Variants in RYR3 observed in about 807,000 individuals in gnomAD.
RYR3 encodes the protein brain ryanodine receptor-calcium release channel.
Under a neutral mutation model 584.3 loss-of-function variants are expected in RYR3, and 207 were observed. The ratio of observed to expected loss-of-function variants is 0.35; its 90% CI spans 0.32 to 0.40. RYR3 has a LOEUF of 0.40. RYR3 is among the 10% of genes least tolerant of loss of function. The probability of loss-of-function intolerance (pLI) is 1.00; values close to 1 mark genes in which losing one functional copy is unlikely to be tolerated. For missense variants in RYR3, 5,616 were observed against 6,089.2 expected (o/e 0.92, Z 2.59); for synonymous variants, 2,416 against 2,248.5 (o/e 1.07, Z -2.11).
At chr15:33,648,696 G>A (rs1215154929) in intron 30 of RYR3, among the ~76,000 whole-genome samples, 1 of 152,218 alleles carries the variant, frequency 6.6e-6, no homozygotes, top group Non-Finnish European at 1.5e-5. Context: ...GCTCTCTCCT[G>A]CAGCTCAGAT....
intron 1 of RYR3, among the ~76,000 whole-genome samples, chr15:33,382,319 C>CT (rs34767570): frequency 0.03 from 3,162 of 104,578 alleles, 180 homozygotes; most frequent in African/African-American, 0.045. Flanking sequence ...TTAAAAGTGG[C>CT]TTTTTTTTTT....
chr15:33,660,711 G>A (rs1424337502), intron 34 of RYR3, among the ~76,000 whole-genome samples: 1 of 152,192 alleles, frequency 6.6e-6, no homozygotes, highest in African/African-American at 2.4e-5. Context: ...CTTGAAATAT[G>A]CATCATTTAT....
chr15:33,398,227 C>T (rs773223126), intron 1 of RYR3, among the ~76,000 whole-genome samples: 4 of 152,150 alleles, frequency 2.6e-5, no homozygotes, highest in Admixed American at 6.5e-5. Flanking sequence ...TTGCAAAGAT[C>T]GTGTAAGGTC....
At chr15:33,834,589 C>A (rs1019465171) in intron 86 of RYR3, among the ~76,000 whole-genome samples, 1 of 152,004 alleles carries the variant, frequency 6.6e-6, no homozygotes, top group African/African-American at 2.4e-5. Flanking sequence ...TTCGCAGCAC[C>A]CTTGATCTCC....
At chr15:33,360,903 A>T (rs1974668832) in intron 1 of RYR3, among the ~76,000 whole-genome samples, 1 of 152,216 alleles carries the variant, frequency 6.6e-6, no homozygotes, top group South Asian at 2.1e-4. Flanking sequence ...GACAGACCTG[A>T]GCAGAGGTTG....
intron 7 of RYR3, 48 bp from the exon 8 acceptor site, chr15:33,543,574 C>T (rs764209007): frequency 1.7e-6 from 2 of 1,194,356 alleles, no homozygotes; most frequent in South Asian, 1.2e-5. Context: ...ATGCCATTCT[C>T]TTCATTAAAC....
chr15:33,662,676 G>T lies in RYR3; in HGVS notation c.5146G>T (p.Gly1716Trp). ...SGAHIRDPVG[G>W]SVEFQFVPVL... ...GGCCCACATCCGAGACCCTGTAGGG[G>T]GGTCTGTGGAGTTCCAGTTTGTGCC... Residue 1716 changes from glycine (G) to tryptophan (W), a missense_variant, in exon 35 of 104, where the codon GGG (glycine) becomes TGG (tryptophan). Gly to Trp is a radical substitution (Grantham distance 184). This residue lies in a region of RYR3 where 753 missense variants were observed against 741.0 expected (regional missense o/e 1.02). Coordinates refer to ENST00000634891, the MANE Select transcript of RYR3 (RefSeq NM_001036.6). 6.2e-7 allele frequency: 1 copy of T among 1,614,170 alleles called. No individual in the cohort carries two copies. Among genetic ancestry groups the T allele is most frequent in the Non-Finnish European group, 8.5e-7 (1 of 1,180,016 alleles).
chr15:33,527,157 C>G (rs1377544739), intron 3 of RYR3, among the ~76,000 whole-genome samples: 2 of 152,062 alleles, frequency 1.3e-5, no homozygotes, highest in African/African-American at 4.8e-5. Flanking sequence ...CAAACTACAG[C>G]CAACAGGCCA....
Position 33,435,665 on chromosome 15 carries a change from A to G in RYR3, c.52-37754A>G, listed in dbSNP as rs549085131. 2.0e-5 allele frequency among the ~76,000 whole-genome samples: 3 copies of G among 152,264 alleles called. No individual in the cohort carries two copies. The South Asian group carries it at 6.2e-4, about 32-fold the overall frequency. ...TTCAAGAATGAAGCCACCGACCTCA[A>G]GCGTTACAGCTCTTAAAGGTGGCAT... On this transcript the variant is annotated intron_variant, in intron 1 of 103. Coordinates refer to ENST00000634891, the MANE Select transcript of RYR3 (RefSeq NM_001036.6).
intron 47 of RYR3, among the ~76,000 whole-genome samples, 155 bp from the exon 48 acceptor site, chr15:33,731,319 A>T (rs1294429854): frequency 1.3e-5 from 2 of 151,974 alleles, no homozygotes; most frequent in Non-Finnish European, 2.9e-5. Flanking sequence ...AAAGAAAAAT[A>T]GAACTGCCGA....
chr15:33,473,814 G>A (rs994674063), intron 2 of RYR3, among the ~76,000 whole-genome samples: 7 of 152,158 alleles, frequency 4.6e-5, no homozygotes, highest in Non-Finnish European at 8.8e-5. Flanking sequence ...AGTGCTGACC[G>A]AGGAGGTCTT....
At chr15:33,579,371 G>A (rs935349550) in intron 12 of RYR3, among the ~76,000 whole-genome samples, 7 of 152,102 alleles carry the variant, frequency 4.6e-5, no homozygotes, top group Non-Finnish European at 8.8e-5. Context: ...ACGTGGAGGG[G>A]GGTGCAAGAG....
At chr15:33,627,660 A>G (rs1361097076) in intron 20 of RYR3, among the ~76,000 whole-genome samples, 2 of 152,240 alleles carry the variant, frequency 1.3e-5, no homozygotes, top group Non-Finnish European at 2.9e-5. Context: ...AGCACTGTGT[A>G]TGTGGTTAAT....
chr15:33,740,844 G>A (rs1336720070), intron 51 of RYR3, among the ~76,000 whole-genome samples: 3 of 152,334 alleles, frequency 2.0e-5, no homozygotes, highest in Admixed American at 1.3e-4. Context: ...TGTAACATTC[G>A]TCTTTGGGAC....
chr15:33,662,123 G>A (rs1430474621), intron 34 of RYR3, 30 bp from the exon 35 acceptor site: 1 of 1,527,192 alleles, frequency 6.5e-7, no homozygotes. Context: ...TTCTCCCCCT[G>A]GTGTGGCTGA....
chr15:33,325,618 C>A (rs1246972654), intron 1 of RYR3, among the ~76,000 whole-genome samples: 1 of 151,730 alleles, frequency 6.6e-6, no homozygotes, highest in Non-Finnish European at 1.5e-5. Flanking sequence ...CTTTTCCTTT[C>A]TTTCCTTTTC....
intron 94 of RYR3, 23 bp from the exon 95 acceptor site, chr15:33,853,022 A>G: frequency 6.3e-7 from 1 of 1,597,226 alleles, no homozygotes; most frequent in South Asian, 1.1e-5. Context: ...TGAAGAACCA[A>G]CCTTTTTCGT....
chr15:33,655,146 G>T (rs1269067257), intron 32 of RYR3, among the ~76,000 whole-genome samples: 1 of 152,158 alleles, frequency 6.6e-6, no homozygotes, highest in African/African-American at 2.4e-5. Flanking sequence ...CAGCAGCTGG[G>T]GCCCAACCAG....
chr15:33,556,799 A>G (rs937731344), intron 10 of RYR3, among the ~76,000 whole-genome samples: 1 of 152,076 alleles, frequency 6.6e-6, no homozygotes, highest in African/African-American at 2.4e-5. Flanking sequence ...GGCTGCACTC[A>G]CATCAGGTAG....
Sources: allele counts gnomAD v4.1 joint callset (sites outside exome capture counted in the v4.1 genomes callset), GRCh38; gene constraint gnomAD v4.1.1; regional missense constraint gnomAD v4.1.1; transcripts MANE v1.5; gene names NCBI Gene and HGNC (gene_info 2026-07-23, HGNC 2026-07-21).